FOXN3: variants seen among roughly 807,000 people sequenced by gnomAD.
FOXN3 encodes the protein forkhead box protein N3.
FOXN3 carries 7 observed loss-of-function variants against 38.4 expected under a neutral mutation model. That is an observed-to-expected ratio of 0.18 (90% confidence interval 0.10 to 0.34). FOXN3 has a LOEUF of 0.34. FOXN3 is among the 10% of genes least tolerant of loss of function. The pLI is 1.00. For missense variants in FOXN3, 456 were observed against 613.4 expected (o/e 0.74, Z 2.71); for synonymous variants, 230 against 242.2 (o/e 0.95, Z 0.47).
rs1054040649 is a variant in FOXN3 at position 89,164,049 on chromosome 14, G to A, written c.852-1080C>T. On this transcript the variant is annotated intron_variant, in intron 5 of 5. Coordinates refer to ENST00000557258, the MANE Select transcript of FOXN3 (RefSeq NM_005197.4). This position sits in a 1 kb window ranked among gnomAD's most constrained non-coding sequence, Gnocchi z 4.3. ...GAAAGTGGGAATAGTAACTACACCTGCTCCCCGTGGGTGTGGGGCTGAGGA... is the reference window on the plus strand; with the variant it reads ...GAAAGTGGGAATAGTAACTACACCTACTCCCCGTGGGTGTGGGGCTGAGGA... 6.6e-5 allele frequency among the ~76,000 whole-genome samples: 10 copies of A among 152,212 alleles called. No individual in the cohort carries two copies. The highest frequency in any genetic ancestry group is 5.9e-4 in the Admixed American group (9 of 15,278).
At chr14:89,417,748 C>A, upstream of FOXN3, 1 of 455,894 alleles carries the variant, frequency 2.2e-6, no homozygotes, top group Non-Finnish European at 4.4e-6. Flanking sequence ...CTGATAGGAC[C>A]CCCAGGGCCT....
At chr14:89,244,119 G>A (rs969024868) in intron 4 of FOXN3, among the ~76,000 whole-genome samples, 8 of 152,166 alleles carry the variant, frequency 5.3e-5, no homozygotes, top group African/African-American at 1.4e-4. Flanking sequence ...AGAGATCTGG[G>A]AATCCTCTTT....
At chr14:89,229,969 T>C (rs2139852690) in intron 4 of FOXN3, among the ~76,000 whole-genome samples, 1 of 152,322 alleles carries the variant, frequency 6.6e-6, no homozygotes, top group South Asian at 2.1e-4. Context: ...ACTGGCCTCT[T>C]ACCCTTGAAG....
At chr14:89,362,144 GCACCACCTCCAC>G (rs1889761266) in intron 2 of FOXN3, among the ~76,000 whole-genome samples, 1 of 13,552 alleles carries the variant, frequency 7.4e-5, no homozygotes, top group Admixed American at 5.4e-4. Context: ...ACCACCTCCA[GCACCACCTCCAC>G]CACCACCACC....
intron 3 of FOXN3, among the ~76,000 whole-genome samples, chr14:89,333,490 G>C (rs1888320530): frequency 6.7e-6 from 1 of 150,012 alleles, no homozygotes; most frequent in Non-Finnish European, 1.5e-5. Context: ...ATTAAAAACA[G>C]AACAGCTGGG....
chr14:89,488,605 T>A (rs1323572961), intron 1 of FOXN3, among the ~76,000 whole-genome samples: 1 of 148,884 alleles, frequency 6.7e-6, no homozygotes, highest in Admixed American at 6.8e-5. Context: ...TGAGCCATGA[T>A]GGTGCCATTG....
intron 2 of FOXN3, among the ~76,000 whole-genome samples, chr14:89,360,153 C>T (rs772229552): frequency 2.6e-5 from 4 of 152,216 alleles, no homozygotes; most frequent in African/African-American, 4.8e-5. Context: ...TGCGTTTCTG[C>T]CCCCACTGCA....
chr14:89,333,243 A>G (rs1478358209), intron 3 of FOXN3: 1 of 155,970 alleles, frequency 6.4e-6, no homozygotes, highest in South Asian at 1.6e-4. Flanking sequence ...CCTGGCCAAG[A>G]TGGTGAAACC....
intron 1 of FOXN3, among the ~76,000 whole-genome samples, chr14:89,496,312 A>G (rs553429620): frequency 4.6e-5 from 7 of 152,308 alleles, no homozygotes; most frequent in African/African-American, 1.7e-4. Context: ...CTGGTGGTGG[A>G]AGTTAGGCAA....
intron 1 of FOXN3, among the ~76,000 whole-genome samples, chr14:89,512,236 G>A (rs1894107906): frequency 6.6e-6 from 1 of 152,180 alleles, no homozygotes; most frequent in African/African-American, 2.4e-5. Flanking sequence ...TTTTTCTCTA[G>A]GTTCTATGGC....
chr14:89,611,559 C>T (rs1339429405), intron 1 of FOXN3, among the ~76,000 whole-genome samples: 2 of 152,168 alleles, frequency 1.3e-5, no homozygotes, highest in Non-Finnish European at 2.9e-5. Flanking sequence ...GTAATCCCAG[C>T]ACTTTGGGAG....
chr14:89,542,882 C>A (rs536453528), intron 1 of FOXN3, among the ~76,000 whole-genome samples: 6 of 152,326 alleles, frequency 3.9e-5, no homozygotes, highest in Admixed American at 3.9e-4. Context: ...GAACTCCAGC[C>A]ACCTGACGCT....
rs533619257 is a variant in FOXN3 at position 89,502,351 on chromosome 14, T to C, written c.-14-89861A>G. Reference sequence around the variant, plus strand: ...CCGGGGTCTTCAATTATGTCTTCAATGTTTTATTTTATTTTAAAAAAAATA... The same window carrying C: ...CCGGGGTCTTCAATTATGTCTTCAACGTTTTATTTTATTTTAAAAAAAATA... On this transcript the variant is annotated intron_variant, in intron 1 of 6. Transcript: ENST00000345097. Among the ~76,000 whole-genome samples the C allele has an allele frequency of 1.4e-3, 217 of 152,312 alleles. 1 individual carries two copies. Among genetic ancestry groups the C allele is most frequent in the African/African-American group, 5.0e-3 (207 of 41,572 alleles).
chr14:89,220,057 C>T (rs1169849587), intron 4 of FOXN3, among the ~76,000 whole-genome samples: 1 of 152,144 alleles, frequency 6.6e-6, no homozygotes, highest in Non-Finnish European at 1.5e-5. Flanking sequence ...GTTTGCTTTG[C>T]TCCATTTTGC....
chr14:89,433,648 C>CA (rs1892212006), intron 1 of FOXN3, among the ~76,000 whole-genome samples: 1 of 151,524 alleles, frequency 6.6e-6, no homozygotes, highest in African/African-American at 2.4e-5. Flanking sequence ...ACTAAAAATA[C>CA]AAAAAATTAG....
rs1893329960 is a variant in FOXN3, at chr14:89,481,525, A to AG, written c.-14-69036_-14-69035insC. ...GCCACTGTCAGGGAAGTGGGGCCCC[A>AG]TGAGGTCAAGGGTGCAATACTCAAA... is the stretch of plus-strand genomic sequence containing the variant. On this transcript the variant is annotated intron_variant, in intron 1 of 6. Transcript: ENST00000345097. Among the ~76,000 whole-genome samples, 4 of 152,254 alleles carry AG rather than the reference A, an allele frequency of 2.6e-5. No individual in the cohort carries two copies. The East Asian group carries it at 5.8e-4, about 22-fold the overall frequency.
chr14:89,555,880 T>TGTGTGTGTGTGTGGGGGG (rs1183259048), intron 1 of FOXN3, among the ~76,000 whole-genome samples: 1 of 99,616 alleles, frequency 1.0e-5, no homozygotes, highest in Non-Finnish European at 2.4e-5. Context: ...TGTGTGTATG[T>TGTGTGTGTGTGTGGGGGG]GGGGGTGTAT....
At chr14:89,595,548 G>A (rs1427609460) in intron 1 of FOXN3, among the ~76,000 whole-genome samples, 1 of 152,040 alleles carries the variant, frequency 6.6e-6, no homozygotes, top group Non-Finnish European at 1.5e-5. Flanking sequence ...TACTTCATAT[G>A]CAACAAACCT....
rs1465918719 is a variant in FOXN3 at position 89,293,940 on chromosome 14, A to C, written c.681-12926T>G. On this transcript the variant is annotated intron_variant, in intron 3 of 5. Coordinates refer to ENST00000557258, the MANE Select transcript of FOXN3 (RefSeq NM_005197.4). The stretch of plus-strand genomic sequence containing the variant: ...GGAAGTAAAGTTTATCCTTTAATTC[A>C]GCATTCCGCAAAGAACAAAACAGAA... Among the ~76,000 whole-genome samples the C allele has an allele frequency of 2.6e-5, 4 of 152,314 alleles. No individual in the cohort carries two copies. The East Asian group carries it at 7.7e-4, about 29-fold the overall frequency.
Sources: allele counts gnomAD v4.1 joint callset (sites outside exome capture counted in the v4.1 genomes callset), GRCh38; gene constraint gnomAD v4.1.1; non-coding constraint Gnocchi (gnomAD v3.1); transcripts MANE v1.5; gene names NCBI Gene and HGNC (gene_info 2026-07-23, HGNC 2026-07-21).